Variants in STOX2 observed in about 807,000 individuals in gnomAD.
STOX2 encodes the protein storkhead-box protein 2.
In STOX2, 28 loss-of-function variants were observed where a neutral mutation model predicts 60.9. That is an observed-to-expected ratio of 0.46 (90% confidence interval 0.34 to 0.63). The LOEUF is 0.63. Among genes scored for constraint, STOX2 ranks in the 30% least tolerant of loss-of-function variants. The pLI is 0.01. For synonymous variants in STOX2, 472 were observed against 463.9 expected (o/e 1.02, Z -0.22); for missense variants, 1,024 against 1,187.7 (o/e 0.86, Z 2.03).
rs1741564579 is a variant in STOX2, at chr4:183,905,431, GCGTCTTC to G, written c.-1358_-1352del. On this transcript the variant is annotated 5_prime_UTR_variant, in exon 1 of 4. It introduces an in-frame stop codon into an upstream open reading frame of the 5' UTR. Coordinates refer to ENST00000308497, the MANE Select transcript of STOX2 (RefSeq NM_020225.3). Reference sequence around the variant, plus strand: ...GGAAGCGCTGCAGGCCACTTGCATTGCGTCTTCCAGGCTGCGTGGACCCGGCGCCCCG... The same window carrying G: ...GGAAGCGCTGCAGGCCACTTGCATTGCAGGCTGCGTGGACCCGGCGCCCCG... The G allele has an allele frequency of 6.6e-6, 1 of 152,328 alleles. No individual in the cohort carries two copies. Among genetic ancestry groups the G allele is most frequent in the Non-Finnish European group, 1.5e-5 (1 of 68,136 alleles). The allele number at this position is 152,328 out of a possible 1,614,324, so 9.4% of individuals were successfully genotyped here.
rs1436246511 is a variant in STOX2, at chr4:184,017,665, A to G, written c.*381A>G. The G allele has an allele frequency of 1.3e-5, 2 of 154,530 alleles. No homozygotes were observed. The highest frequency in any genetic ancestry group is 2.5e-5 in the African/African-American group (1 of 40,478). 9.6% of individuals were successfully genotyped at this position (154,530 alleles called of 1,614,324 possible). On this transcript the variant is annotated 3_prime_UTR_variant, in exon 4 of 4. Coordinates refer to ENST00000308497, the MANE Select transcript of STOX2 (RefSeq NM_020225.3). The stretch of plus-strand genomic sequence containing the variant: ...TCCCAGTCTGTGGTTAAACGGTGCC[A>G]CAGAACTGATCCTTGACACTTCCAA...
At chr4:183,875,068 CAG>C (rs10580469) in intron 1 of STOX2, among the ~76,000 whole-genome samples, 72,252 of 141,638 alleles carry the variant, frequency 0.51, 18,881 homozygotes, top group East Asian at 0.6. Context: ...TTCTCAAGAA[CAG>C]AGTCACATAC....
rs60432446 is a variant in STOX2 at position 183,968,343 on chromosome 4, T to TACACACACACACAC, written c.167-32958_167-32945dup. On this transcript the variant is annotated intron_variant, in intron 1 of 3. Transcript: ENST00000308497. ...TTTAACATGCACACATGCATATACC[T>TACACACACACACAC]ACACACACACACACACACACACACA... Among the ~76,000 whole-genome samples the TACACACACACACAC allele has an allele frequency of 1.5e-3, 213 of 145,596 alleles. 3 individuals are homozygous for TACACACACACACAC. The highest frequency in any genetic ancestry group is 5.2e-3 in the Admixed American group (75 of 14,500).
At chr4:184,007,867 C>T (rs367662546) in intron 2 of STOX2, among the ~76,000 whole-genome samples, 6 of 152,314 alleles carry the variant, frequency 3.9e-5, no homozygotes, top group East Asian at 1.9e-4. Flanking sequence ...ACCGCTCTAA[C>T]GACCTCATTT....
At chr4:183,948,091 G>A (rs1370179711) in intron 1 of STOX2, among the ~76,000 whole-genome samples, 4 of 151,838 alleles carry the variant, frequency 2.6e-5, no homozygotes, top group Non-Finnish European at 5.9e-5. Flanking sequence ...GGTGGCTCAC[G>A]CCTGTAATCC....
Position 183,883,388 on chromosome 4 carries a change from C to T in STOX2, c.364+85333C>T, listed in dbSNP as rs532963577. 3.9e-4 allele frequency among the ~76,000 whole-genome samples: 59 copies of T among 150,490 alleles called. No individual in the cohort carries two copies. In the South Asian group the frequency reaches 8.8e-3, roughly 22 times the overall value. On this transcript the variant is annotated intron_variant, in intron 1 of 2. Transcript: ENST00000513034. ...AGGCTGGAGTGCAGTGGCGCGATCT[C>T]GGCTCACTGCAAGCTCCGCCTCCCA...
chr4:183,840,533 T>C (rs1230149299), intron 1 of STOX2, among the ~76,000 whole-genome samples: 1 of 152,202 alleles, frequency 6.6e-6, no homozygotes, highest in Non-Finnish European at 1.5e-5. Flanking sequence ...TTCTGCACGT[T>C]TGTGTTTGTG....
intron 1 of STOX2, among the ~76,000 whole-genome samples, chr4:183,975,699 A>G (rs1413567842): frequency 6.6e-6 from 1 of 152,204 alleles, no homozygotes; most frequent in Non-Finnish European, 1.5e-5. Context: ...CTAAAAAACT[A>G]CAGGTTTGGA....
In STOX2 at chr4:183,838,359, TTAAA is replaced by T. The variant is rs201124773; in HGVS notation, c.364+40315_364+40318del. On this transcript the variant is annotated intron_variant, in intron 1 of 2. Coordinates refer to the STOX2 transcript ENST00000513034. ...GAAATATTTAAATAAATGAAATTTG[TTAAA>T]TAAATAAATACATAAAATATTTCAA... Among the ~76,000 whole-genome samples, 496 of 151,756 alleles carry T rather than the reference TTAAA, an allele frequency of 3.3e-3. 7 individuals are homozygous for T. The highest frequency in any genetic ancestry group is 0.011 in the African/African-American group (462 of 41,472).
At chr4:183,822,637 G>A (rs1739328289) in intron 1 of STOX2, among the ~76,000 whole-genome samples, 1 of 152,206 alleles carries the variant, frequency 6.6e-6, no homozygotes. Flanking sequence ...TCTGACAGGA[G>A]GCGCAGCTCA....
chr4:183,917,902 T>C (rs1330633344), intron 1 of STOX2, among the ~76,000 whole-genome samples: 1 of 152,264 alleles, frequency 6.6e-6, no homozygotes, highest in East Asian at 1.9e-4. Flanking sequence ...CTCTGTTTTC[T>C]TATATTTAAG....
At chr4:183,983,138 T>C (rs1358108985) in intron 1 of STOX2, among the ~76,000 whole-genome samples, 4 of 152,172 alleles carry the variant, frequency 2.6e-5, no homozygotes. Context: ...TCATACTGCC[T>C]TGCTGCCTGG....
At chr4:183,871,546 G>A (rs1740693162) in intron 1 of STOX2, among the ~76,000 whole-genome samples, 1 of 152,160 alleles carries the variant, frequency 6.6e-6, no homozygotes, top group African/African-American at 2.4e-5. Flanking sequence ...CAGAAAAATA[G>A]TGCCATTAGG....
At chr4:183,912,800 G>A (rs1243887639) in intron 1 of STOX2, among the ~76,000 whole-genome samples, 1 of 152,148 alleles carries the variant, frequency 6.6e-6, no homozygotes, top group Non-Finnish European at 1.5e-5. Flanking sequence ...ATGTGTATGG[G>A]ATGAGTGACT....
intron 1 of STOX2, among the ~76,000 whole-genome samples, chr4:183,954,728 C>A (rs1292847022): frequency 6.6e-6 from 1 of 152,120 alleles, no homozygotes. Context: ...GCTTCCCCAC[C>A]AATATTTATT....
chr4:183,841,910 GA>G lies in STOX2; in HGVS notation c.364+43864del, dbSNP rs551783951. 1.3e-3 allele frequency among the ~76,000 whole-genome samples: 199 copies of G among 151,318 alleles called. 3 individuals are homozygous for G. The South Asian group carries it at 0.022, about 17-fold the overall frequency. On this transcript the variant is annotated intron_variant, in intron 1 of 2. Transcript: ENST00000513034. ...CAATTTGAAAGAGTCATTTATATGG[GA>G]AAAAAAAACTTGACTGTGGAATTAT...
At position 183,871,951 on chromosome 4, in the gene STOX2, G is replaced by A. The variant is rs542671405; in HGVS notation, c.364+73896G>A. 2.1e-4 allele frequency among the ~76,000 whole-genome samples: 32 copies of A among 152,122 alleles called. No individual in the cohort carries two copies. In the South Asian group the frequency reaches 4.6e-3, roughly 22 times the overall value. ...TTCTTTTGTAAGGATGAAAATTTGC[G>A]CCTCATATATTAATGTAATAACTTA... On this transcript the variant is annotated intron_variant, in intron 1 of 2. Transcript: ENST00000513034.
At chr4:183,837,604 G>A (rs1351401899) in intron 1 of STOX2, among the ~76,000 whole-genome samples, 2 of 151,924 alleles carry the variant, frequency 1.3e-5, no homozygotes, top group Non-Finnish European at 1.5e-5. Context: ...GATTACAGAC[G>A]TGCACCACCA....
chr4:183,935,761 C>A (rs897719253), intron 1 of STOX2, among the ~76,000 whole-genome samples: 4 of 152,166 alleles, frequency 2.6e-5, no homozygotes, highest in Admixed American at 6.5e-5. Context: ...TGACATTGTG[C>A]CTGGGACTAA....
Sources: gnomAD v4.1 joint callset for allele counts (sites outside exome capture counted in the v4.1 genomes callset) on GRCh38, gnomAD v4.1.1 for gene constraint, MANE v1.5 for transcripts, NCBI Gene and HGNC (gene_info 2026-07-23, HGNC 2026-07-21) for gene names.